Variants in KAZN observed in about 807,000 individuals in gnomAD.
KAZN encodes kazrin.
Under a neutral mutation model 87.4 loss-of-function variants are expected in KAZN, and 40 were observed. That is an observed-to-expected ratio of 0.46 (90% CI 0.36 to 0.60). KAZN has a LOEUF of 0.60. KAZN is among the 20% of genes least tolerant of loss of function. The pLI is 0.00. For missense variants in KAZN, 898 were observed against 1,073.9 expected, an observed-to-expected ratio of 0.84 and a Z score of 2.29; for synonymous variants, 466 against 458.3, an observed-to-expected ratio of 1.02 and a Z score of -0.22.
At chr1:14,413,668 G>A (rs60413413) in intron 2 of KAZN, among the ~76,000 whole-genome samples, 1 of 144,794 alleles carries the variant, frequency 6.9e-6, no homozygotes, top group South Asian at 2.2e-4. Context: ...CCTCTTGGTA[G>A]AGAATTGCTT....
At chr1:14,360,435 A>C (rs184617624) in intron 2 of KAZN, among the ~76,000 whole-genome samples, 1 of 152,228 alleles carries the variant, frequency 6.6e-6, no homozygotes, top group African/African-American at 2.4e-5. Flanking sequence ...TCTAAAGCCT[A>C]CTTCTGTCAA....
At chr1:14,055,832 G>T (rs1264382960) in intron 1 of KAZN, among the ~76,000 whole-genome samples, 2 of 152,128 alleles carry the variant, frequency 1.3e-5, no homozygotes, top group African/African-American at 2.4e-5. Context: ...CAGCCTCCCG[G>T]ATGTGTTCTG....
At chr1:14,419,712 A>C (rs1665213284) in intron 2 of KAZN, among the ~76,000 whole-genome samples, 1 of 151,884 alleles carries the variant, frequency 6.6e-6, no homozygotes, top group Non-Finnish European at 1.5e-5. Context: ...TTCAAGAGTG[A>C]AGCCGCAGAC....
At chr1:14,297,956 G>A (rs1039129166) in intron 2 of KAZN, among the ~76,000 whole-genome samples, 2 of 152,048 alleles carry the variant, frequency 1.3e-5, no homozygotes, top group African/African-American at 4.8e-5. Flanking sequence ...AGCTGGGCGC[G>A]GTATCACGCC....
intron 1 of KAZN, among the ~76,000 whole-genome samples, chr1:14,843,941 T>C (rs1648349862): frequency 6.6e-6 from 1 of 152,216 alleles, no homozygotes; most frequent in South Asian, 2.1e-4. Flanking sequence ...ACATTGCCAA[T>C]GCTTGGAACG....
At chr1:14,534,262 C>T (rs1418557464) in intron 2 of KAZN, among the ~76,000 whole-genome samples, 1 of 152,198 alleles carries the variant, frequency 6.6e-6, no homozygotes, top group Non-Finnish European at 1.5e-5. Flanking sequence ...GCTGTTGACA[C>T]ATGAATAGAA....
At chr1:14,917,229 A>G (rs1657909455) in intron 1 of KAZN, among the ~76,000 whole-genome samples, 1 of 152,180 alleles carries the variant, frequency 6.6e-6, no homozygotes, top group Non-Finnish European at 1.5e-5. Context: ...CACCAAGGGC[A>G]AAGGTCTAAA....
intron 1 of KAZN, among the ~76,000 whole-genome samples, chr1:14,746,142 C>T (rs1182760625): frequency 6.6e-6 from 1 of 152,144 alleles, no homozygotes; most frequent in African/African-American, 2.4e-5. Context: ...CCACAGCTTT[C>T]GTGATGGGCA....
chr1:14,530,035 A>C (rs1672124205), intron 2 of KAZN, among the ~76,000 whole-genome samples: 1 of 152,190 alleles, frequency 6.6e-6, no homozygotes, highest in Admixed American at 6.5e-5. Context: ...CAGTATCCAA[A>C]GTACCCAGAT....
chr1:14,617,881 C>T (rs1678378739), intron 1 of KAZN, among the ~76,000 whole-genome samples: 1 of 152,140 alleles, frequency 6.6e-6, no homozygotes, highest in Admixed American at 6.5e-5. Context: ...ATGGGCTTTC[C>T]CATTTGGCAG....
At chr1:14,383,015 CTGGTGT>C (rs1159240745) in intron 2 of KAZN, among the ~76,000 whole-genome samples, 1 of 150,860 alleles carries the variant, frequency 6.6e-6, no homozygotes, top group Non-Finnish European at 1.5e-5. Context: ...GCCATTCTAA[CTGGTGT>C]GAGATGGTAT....
rs886378662 is a variant in KAZN at position 15,066,040 on chromosome 1, C to G, written c.1222+287C>G. 304 of 1,231,530 alleles carry G rather than the reference C, an allele frequency of 2.5e-4. No individual in the cohort carries two copies. Among genetic ancestry groups the G allele is most frequent in the Non-Finnish European group, 3.0e-4 (300 of 986,864 alleles). The allele number at this position is 1,231,530 out of a possible 1,614,324, so 76.3% of individuals were successfully genotyped here. A position where few individuals can be genotyped will look rare whatever the true frequency, so the allele number is the denominator to read the frequency against. ...CGCAAACCGTGTGTGAACCTGTCAACTCTCTGTCGTCTTTGGAGCGATACA... is the reference window on the plus strand; with the variant it reads ...CGCAAACCGTGTGTGAACCTGTCAAGTCTCTGTCGTCTTTGGAGCGATACA... On this transcript the variant is annotated intron_variant, in intron 8 of 14. Coordinates refer to ENST00000376030, the MANE Select transcript of KAZN (RefSeq NM_201628.3). This position sits in a 1 kb window ranked among gnomAD's most constrained non-coding sequence, Gnocchi z 4.3.
intron 2 of KAZN, among the ~76,000 whole-genome samples, chr1:14,202,995 C>A (rs1475799083): frequency 6.6e-6 from 1 of 151,878 alleles, no homozygotes; most frequent in African/African-American, 2.4e-5. Context: ...CCAGCCTGGG[C>A]GACAAGAGCA....
intron 1 of KAZN, among the ~76,000 whole-genome samples, chr1:14,090,403 T>C (rs1416152465): frequency 6.6e-6 from 1 of 152,132 alleles, no homozygotes; most frequent in Non-Finnish European, 1.5e-5. Context: ...TTTTCTTCAG[T>C]GTCTAATCTG....
chr1:14,849,686 G>A (rs1250723538), intron 1 of KAZN, among the ~76,000 whole-genome samples: 1 of 152,180 alleles, frequency 6.6e-6, no homozygotes, highest in South Asian at 2.1e-4. Context: ...TTAAGAGCTT[G>A]CGCTTTCTCT....
At chr1:14,798,412 T>C (rs527693209) in intron 1 of KAZN, among the ~76,000 whole-genome samples, 1 of 133,816 alleles carries the variant, frequency 7.5e-6, no homozygotes, top group Admixed American at 8.8e-5. Context: ...TTTCTGTTTC[T>C]TTCCTTTTTT....
chr1:14,889,314 CAAAT>C (rs1024785311), intron 1 of KAZN, among the ~76,000 whole-genome samples: 32 of 152,166 alleles, frequency 2.1e-4, no homozygotes, highest in African/African-American at 7.5e-4. Flanking sequence ...TAATTATTAA[CAAAT>C]AAGAGAACAA....
chr1:14,100,240 C>T (rs189267846), intron 1 of KAZN, among the ~76,000 whole-genome samples: 61 of 152,284 alleles, frequency 4.0e-4, no homozygotes, highest in Admixed American at 2.0e-3. Flanking sequence ...CTTGAGGTGG[C>T]TATTTGAGTC....
chr1:15,080,936 A>G (rs746487217), intron 8 of KAZN, among the ~76,000 whole-genome samples: 36 of 152,236 alleles, frequency 2.4e-4, no homozygotes, highest in Non-Finnish European at 4.6e-4. Flanking sequence ...CCTACGATGC[A>G]CGGGACAGCC....
Sources: gnomAD v4.1 joint callset for allele counts (sites outside exome capture counted in the v4.1 genomes callset) on GRCh38, gnomAD v4.1.1 for gene constraint, Gnocchi (gnomAD v3.1) non-coding constraint, MANE v1.5 for transcripts, NCBI Gene and HGNC (gene_info 2026-07-23, HGNC 2026-07-21) for gene names.